The following ZNF827 variants were observed in gnomAD, a reference collection of about 807,000 sequenced individuals.
ZNF827 encodes zinc finger protein 827.
In ZNF827, 13 loss-of-function variants were observed where a neutral mutation model predicts 102.4. That is an observed-to-expected ratio of 0.13 (90% CI 0.08 to 0.20). The LOEUF (loss-of-function observed/expected upper bound fraction) is 0.20. ZNF827 is among the 10% of genes least tolerant of loss of function. ZNF827 has a pLI of 1.00. For missense variants in ZNF827, 1,103 were observed against 1,344.4 expected (o/e 0.82, Z 2.81); for synonymous variants, 523 against 536.2 (o/e 0.98, Z 0.34).
rs1368713763 is a variant in ZNF827, at chr4:145,938,746, G to A, written c.-339C>T. On this transcript the variant is annotated 5_prime_UTR_variant, in exon 1 of 15. Transcript: ENST00000508784. ...TGTCCTATGCTCGCGTGTGTGATGG[G>A]AGGTATAAATAAATGAGTGCCGGTG... 1 of 271,466 alleles carries A rather than the reference G, an allele frequency of 3.7e-6. No individual in the cohort carries two copies. Among genetic ancestry groups the A allele is most frequent in the East Asian group, 6.8e-5 (1 of 14,664 alleles). The allele number at this position is 271,466 out of a possible 1,614,324, so 16.8% of individuals were successfully genotyped here.
In ZNF827 at chr4:145,892,228, C is replaced by T. The variant is rs368655428; in HGVS notation, c.1266+15G>A. 115 of 1,594,506 alleles carry T rather than the reference C, an allele frequency of 7.2e-5. No individual in the cohort carries two copies. In the Middle Eastern group the frequency reaches 1.5e-3, roughly 21 times the overall value. ...TGCCTGCCTCTCCAGGAGGTGCAGT[C>T]GGTAGGTGGCTTACCTTCATGTGGG... On this transcript the variant is annotated intron_variant, in intron 3 of 14. Transcript: ENST00000508784.
chr4:145,895,764 TG>T (rs2126863491), intron 2 of ZNF827, among the ~76,000 whole-genome samples: 1 of 152,294 alleles, frequency 6.6e-6, no homozygotes, highest in East Asian at 1.9e-4. Flanking sequence ...GAAGTAAGGT[TG>T]TATTCTATTT....
intron 8 of ZNF827, among the ~76,000 whole-genome samples, chr4:145,780,524 C>A (rs2126982334): frequency 6.6e-6 from 1 of 152,348 alleles, no homozygotes. Context: ...GACTTTAATA[C>A]ATTCTCTAAT....
intron 5 of ZNF827, among the ~76,000 whole-genome samples, chr4:145,851,207 T>A (rs1560998393): frequency 6.6e-6 from 1 of 152,162 alleles, no homozygotes; most frequent in African/African-American, 2.4e-5. Flanking sequence ...CATGAGAGAA[T>A]AAATATCTGT....
At chr4:145,901,171 G>A (rs1751378657) in intron 2 of ZNF827, among the ~76,000 whole-genome samples, 1 of 152,142 alleles carries the variant, frequency 6.6e-6, no homozygotes, top group South Asian at 2.1e-4. Flanking sequence ...CATTGTTGCT[G>A]AAAATAATCA....
intron 1 of ZNF827, among the ~76,000 whole-genome samples, chr4:145,923,594 C>T (rs907825087): frequency 3.9e-5 from 6 of 151,980 alleles, no homozygotes; most frequent in African/African-American, 1.4e-4. Flanking sequence ...CAGAGGGAGA[C>T]TCCATCTCAA....
rs1255891701 is a variant in ZNF827, at chr4:145,812,240, T to C, written c.2383+11182A>G. On this transcript the variant is annotated intron_variant, in intron 8 of 14. Coordinates refer to ENST00000508784, the MANE Select transcript of ZNF827 (RefSeq NM_001306215.2). Reference sequence around the variant, plus strand: ...TGCACCAGACCAACTCCAAGCTTTTTAATATGAGACTAATGACAGAGGGAA... The same window carrying C: ...TGCACCAGACCAACTCCAAGCTTTTCAATATGAGACTAATGACAGAGGGAA... 5.3e-5 allele frequency among the ~76,000 whole-genome samples: 8 copies of C among 152,184 alleles called. No homozygotes were observed. The East Asian group carries it at 1.5e-3, about 29-fold the overall frequency.
chr4:145,850,605 C>T (rs1422169413), intron 5 of ZNF827, among the ~76,000 whole-genome samples: 1 of 152,178 alleles, frequency 6.6e-6, no homozygotes, highest in Non-Finnish European at 1.5e-5. Flanking sequence ...CTATGTCCAT[C>T]TATTGCTTAG....
Position 145,889,107 on chromosome 4 carries a change from T to C in ZNF827, c.1267-2949A>G, listed in dbSNP as rs186191218. ...TTATTTATCATTCTTGGTGATGGGA[T>C]TAAGGATCAACTTTATATTCCTTTG... On this transcript the variant is annotated intron_variant, in intron 3 of 14. Transcript: ENST00000508784. 1.6e-4 allele frequency among the ~76,000 whole-genome samples: 24 copies of C among 152,304 alleles called. No individual in the cohort carries two copies. The East Asian group carries it at 1.9e-3, about 12-fold the overall frequency.
chr4:145,799,993 T>A (rs1740730868), intron 8 of ZNF827, among the ~76,000 whole-genome samples: 1 of 143,750 alleles, frequency 7.0e-6, no homozygotes. Context: ...AAGCCATTGC[T>A]ATTTTGGCCT....
chr4:145,812,092 T>TC (rs1349991471), intron 8 of ZNF827, among the ~76,000 whole-genome samples: 1 of 151,144 alleles, frequency 6.6e-6, no homozygotes, highest in East Asian at 1.9e-4. Flanking sequence ...TTTTTGCATT[T>TC]TTTTTTTTTT....
intron 8 of ZNF827, among the ~76,000 whole-genome samples, chr4:145,801,441 C>T (rs184955088): frequency 2.0e-5 from 3 of 152,292 alleles, no homozygotes; most frequent in South Asian, 4.1e-4. Flanking sequence ...TCTGTTTTGA[C>T]GGAAACCTTT....
At position 145,823,403 on chromosome 4, in the gene ZNF827, G is replaced by A. The variant is rs759187348; in HGVS notation, c.2383+19C>T. On this transcript the variant is annotated intron_variant, in intron 8 of 14. Transcript: ENST00000508784. ...TTAAGCAATCAACAGTAGAAGCAAA[G>A]CCAACAATGTTTCCATACCTGGAGC... 1 of 1,601,552 alleles carries A rather than the reference G, an allele frequency of 6.2e-7. No homozygotes were observed.
chr4:145,848,535 T>C (rs1388467290), intron 6 of ZNF827, among the ~76,000 whole-genome samples: 2 of 152,220 alleles, frequency 1.3e-5, no homozygotes, highest in South Asian at 2.1e-4. Flanking sequence ...ACTTTAATAT[T>C]GTAGGCCAGT....
intron 1 of ZNF827, among the ~76,000 whole-genome samples, chr4:145,914,648 A>C (rs1752546264): frequency 6.6e-6 from 1 of 152,208 alleles, no homozygotes; most frequent in South Asian, 2.1e-4. Context: ...CAATTAACAA[A>C]AACTGCAATC....
At chr4:145,812,259 G>A (rs1350210743) in intron 8 of ZNF827, among the ~76,000 whole-genome samples, 2 of 152,046 alleles carry the variant, frequency 1.3e-5, no homozygotes, top group Non-Finnish European at 2.9e-5. Context: ...ACTAATGACA[G>A]AGGGAATTTT....
At chr4:145,877,656 CA>C (rs1749257768) in intron 4 of ZNF827, among the ~76,000 whole-genome samples, 1 of 152,032 alleles carries the variant, frequency 6.6e-6, no homozygotes. Context: ...TAGCTATGGC[CA>C]AAGGGGAAAA....
chr4:145,827,468 C>T (rs1743805031), intron 7 of ZNF827, among the ~76,000 whole-genome samples: 1 of 152,168 alleles, frequency 6.6e-6, no homozygotes, highest in Non-Finnish European at 1.5e-5. Context: ...AAAACTTGTA[C>T]CACTCATGGG....
chr4:145,776,870 A>G (rs1737193042), intron 9 of ZNF827, among the ~76,000 whole-genome samples: 1 of 152,268 alleles, frequency 6.6e-6, no homozygotes, highest in Non-Finnish European at 1.5e-5. Context: ...ACCCTCTCAT[A>G]AAACTGACAA....
Sources: gnomAD v4.1 joint callset for allele counts (sites outside exome capture counted in the v4.1 genomes callset) on GRCh38, gnomAD v4.1.1 for gene constraint, MANE v1.5 for transcripts, NCBI Gene and HGNC (gene_info 2026-07-23, HGNC 2026-07-21) for gene names.